Variants in KCNAB1 observed in about 807,000 individuals in gnomAD.
KCNAB1 encodes the protein potassium voltage-gated channel subfamily A regulatory beta subunit 1, also known as voltage-gated potassium channel subunit beta-1.
In KCNAB1, 35 loss-of-function variants were observed where a neutral mutation model predicts 64.6. The ratio of observed to expected loss-of-function variants is 0.54; its 90% CI spans 0.41 to 0.72. The LOEUF (loss-of-function observed/expected upper bound fraction) is 0.72, where lower values mean the gene tolerates loss of function less well. Ranked by LOEUF, KCNAB1 falls within the 30% of genes least tolerant of loss-of-function variation. The pLI, the probability that KCNAB1 is intolerant of heterozygous loss-of-function variation, is 0.00. For synonymous variants in KCNAB1, 177 were observed against 183.8 expected, an observed-to-expected ratio of 0.96 and a Z score of 0.30; for missense variants, 401 against 512.9, an observed-to-expected ratio of 0.78 and a Z score of 2.11.
chr3:156,285,492 T>C (rs1698410630), intron 1 of KCNAB1, among the ~76,000 whole-genome samples: 1 of 139,292 alleles, frequency 7.2e-6, no homozygotes, highest in Non-Finnish European at 1.5e-5. Context: ...ATAATCTGAA[T>C]TGTGAATTTC....
intron 1 of KCNAB1, among the ~76,000 whole-genome samples, chr3:156,284,970 G>A (rs557395209): frequency 2.6e-5 from 4 of 152,214 alleles, no homozygotes; most frequent in Non-Finnish European, 2.9e-5. Context: ...GTTCCTATTC[G>A]GCCATCTTGG....
chr3:156,378,653 T>C (rs953354803), intron 1 of KCNAB1, among the ~76,000 whole-genome samples: 1 of 152,152 alleles, frequency 6.6e-6, no homozygotes, highest in Non-Finnish European at 1.5e-5. Context: ...CTATGTGCAC[T>C]CACTTCATCT....
At chr3:156,347,702 C>T (rs1049884149) in intron 1 of KCNAB1, among the ~76,000 whole-genome samples, 3 of 152,186 alleles carry the variant, frequency 2.0e-5, no homozygotes, top group Non-Finnish European at 2.9e-5. Flanking sequence ...GCTTGTTCAT[C>T]ATTTCTGAGC....
upstream of KCNAB1, among the ~76,000 whole-genome samples, chr3:156,120,279 C>T (rs1713256057): frequency 6.6e-6 from 1 of 152,148 alleles, no homozygotes; most frequent in South Asian, 2.1e-4. Flanking sequence ...ACCAAAAGTT[C>T]AGAGTTGTCA....
intron 1 of KCNAB1, among the ~76,000 whole-genome samples, chr3:156,236,466 A>G (rs772766665): frequency 9.2e-4 from 140 of 152,322 alleles, no homozygotes; most frequent in Non-Finnish European, 1.6e-3. Flanking sequence ...AGAAGCATTC[A>G]GATGATAATT....
At chr3:156,179,416 A>ACCCCCCCC (rs1284524252) in intron 1 of KCNAB1, among the ~76,000 whole-genome samples, 2 of 75,940 alleles carry the variant, frequency 2.6e-5, no homozygotes, top group Non-Finnish European at 5.3e-5. Context: ...CTGGTTTGGA[A>ACCCCCCCC]CCCCCCCCCC....
chr3:156,413,010 A>G (rs1559872303), intron 1 of KCNAB1, among the ~76,000 whole-genome samples: 1 of 152,208 alleles, frequency 6.6e-6, no homozygotes, highest in Non-Finnish European at 1.5e-5. Context: ...GAGTTACTAG[A>G]ATTAAAAAGT....
At chr3:156,453,231 G>A (rs1712136926) in intron 3 of KCNAB1, 1 of 248,122 alleles carries the variant, frequency 4.0e-6, no homozygotes, top group Non-Finnish European at 7.6e-6. Flanking sequence ...TTGCTGTGAT[G>A]TTGTTTTGCT....
chr3:156,237,448 CTTTT>C (rs963888447), intron 1 of KCNAB1, among the ~76,000 whole-genome samples: 2 of 146,628 alleles, frequency 1.4e-5, no homozygotes, highest in African/African-American at 5.0e-5. Context: ...TTAAAGTTGC[CTTTT>C]TTTTTTGTTT....
chr3:156,324,202 C>G (rs1419532212), intron 1 of KCNAB1, among the ~76,000 whole-genome samples: 1 of 152,050 alleles, frequency 6.6e-6, no homozygotes, highest in Non-Finnish European at 1.5e-5. Flanking sequence ...ATATCAGCAT[C>G]TTTTTTAGCT....
intron 1 of KCNAB1, among the ~76,000 whole-genome samples, chr3:156,253,382 A>T (rs908865941): frequency 6.6e-6 from 1 of 152,182 alleles, no homozygotes; most frequent in African/African-American, 2.4e-5. Flanking sequence ...CTGATGAGCC[A>T]TTGGCCATTT....
chr3:156,150,581 G>A (rs1715344063), intron 1 of KCNAB1, among the ~76,000 whole-genome samples: 1 of 152,154 alleles, frequency 6.6e-6, no homozygotes, highest in Non-Finnish European at 1.5e-5. Flanking sequence ...TTTCATGACC[G>A]AGGAGTAACT....
At chr3:156,176,889 GT>G in intron 1 of KCNAB1, 1 of 1,139,366 alleles carries the variant, frequency 8.8e-7, no homozygotes, top group Non-Finnish European at 1.3e-6. Flanking sequence ...CTCTGGGCCT[GT>G]ACGCTTCTGC....
chr3:156,196,315 AT>A (rs1713936854), intron 1 of KCNAB1, among the ~76,000 whole-genome samples: 1 of 152,104 alleles, frequency 6.6e-6, no homozygotes, highest in Non-Finnish European at 1.5e-5. Context: ...CTCCTGTGAA[AT>A]TTAAAGTAGT....
chr3:156,394,011 C>A (rs1195737278), intron 1 of KCNAB1, among the ~76,000 whole-genome samples: 2 of 152,282 alleles, frequency 1.3e-5, no homozygotes, highest in Non-Finnish European at 2.9e-5. Context: ...GTGTTGGGGA[C>A]CTGACTCTGT....
At chr3:156,482,438 T>A (rs1714889816) in intron 8 of KCNAB1, among the ~76,000 whole-genome samples, 1 of 150,606 alleles carries the variant, frequency 6.6e-6, no homozygotes, top group African/African-American at 2.5e-5. Context: ...AGTAAGAAAG[T>A]TACATTAGAT....
At chr3:156,268,928 T>C (rs1230291617) in intron 1 of KCNAB1, among the ~76,000 whole-genome samples, 1 of 152,206 alleles carries the variant, frequency 6.6e-6, no homozygotes, top group East Asian at 1.9e-4. Context: ...CAGGAAATCT[T>C]TGCCCAGTCC....
chr3:156,308,883 A>G (rs369262336), intron 1 of KCNAB1, among the ~76,000 whole-genome samples: 148 of 152,356 alleles, frequency 9.7e-4, no homozygotes, highest in African/African-American at 3.4e-3. Flanking sequence ...CTGATGGAAC[A>G]TTAGAATTTA....
chr3:156,348,026 C>A (rs145715385), intron 1 of KCNAB1, among the ~76,000 whole-genome samples: 2,149 of 152,200 alleles, frequency 0.014, 21 homozygotes, highest in South Asian at 0.031. Flanking sequence ...CACAGGGCCC[C>A]TTTCTGCTAT....
Sources: allele counts gnomAD v4.1 joint callset (sites outside exome capture counted in the v4.1 genomes callset), GRCh38; gene constraint gnomAD v4.1.1; transcripts MANE v1.5; gene names NCBI Gene and HGNC (gene_info 2026-07-23, HGNC 2026-07-21).